The following SPATA16 variants were observed in gnomAD, a reference collection of about 807,000 sequenced individuals.
The protein encoded by SPATA16 is spermatogenesis associated 16.
In SPATA16, 36 loss-of-function variants were observed where a neutral mutation model predicts 63.3. The ratio of observed to expected loss-of-function variants is 0.57; its 90% CI spans 0.44 to 0.75. The LOEUF (loss-of-function observed/expected upper bound fraction) is 0.75, where lower values mean the gene tolerates loss of function less well. Among genes scored for constraint, SPATA16 ranks in the 30% least tolerant of loss-of-function variants. The probability of loss-of-function intolerance (pLI) is 0.00; values close to 1 mark genes in which losing one functional copy is unlikely to be tolerated. For synonymous variants in SPATA16, 203 were observed against 216.7 expected (o/e 0.94, Z 0.56); for missense variants, 646 against 679.3 (o/e 0.95, Z 0.54).
At chr3:173,038,360 A>G (rs532541340) in intron 3 of SPATA16, among the ~76,000 whole-genome samples, 2 of 152,132 alleles carry the variant, frequency 1.3e-5, no homozygotes, top group African/African-American at 4.8e-5. Flanking sequence ...TCAGTTTTAC[A>G]GTATAGCCTG....
At chr3:172,976,872 GCTAC>G in intron 5 of SPATA16, 92 bp downstream of exon 5, 1 of 938,822 alleles carries the variant, frequency 1.1e-6, no homozygotes, top group Non-Finnish European at 1.7e-6. Context: ...TATGCCCAGA[GCTAC>G]CTTTTTCTTC....
At chr3:172,988,794 G>A (rs1055124420) in intron 4 of SPATA16, among the ~76,000 whole-genome samples, 4 of 151,990 alleles carry the variant, frequency 2.6e-5, no homozygotes, top group Admixed American at 2.0e-4. Flanking sequence ...CCACCATCAC[G>A]TCCAGCTAAT....
intron 1 of SPATA16, among the ~76,000 whole-genome samples, chr3:173,133,332 T>C (rs1429881868): frequency 6.6e-6 from 1 of 152,202 alleles, no homozygotes; most frequent in Non-Finnish European, 1.5e-5. Flanking sequence ...AATTTTCTGT[T>C]TCTGCCAGCA....
At chr3:172,992,989 A>G (rs1441136056) in intron 4 of SPATA16, among the ~76,000 whole-genome samples, 1 of 152,152 alleles carries the variant, frequency 6.6e-6, no homozygotes, top group Non-Finnish European at 1.5e-5. Context: ...AAAATACAAC[A>G]AACCCAGAAA....
chr3:172,890,689 C>G (rs1168876519), intron 10 of SPATA16, among the ~76,000 whole-genome samples: 2 of 149,978 alleles, frequency 1.3e-5, no homozygotes, highest in Non-Finnish European at 3.0e-5. Context: ...TAAATGGTAG[C>G]ACTCATCCAT....
At chr3:173,082,996 A>G (rs2108314500) in intron 2 of SPATA16, among the ~76,000 whole-genome samples, 1 of 152,304 alleles carries the variant, frequency 6.6e-6, no homozygotes, top group South Asian at 2.1e-4. Context: ...AAATATTTAT[A>G]AAATAAAAGA....
rs146078455 is a variant in SPATA16 at position 172,889,573 on chromosome 3, C to G, written c.1707G>C (p.Arg569Ser). The G allele has an allele frequency of 6.1e-4, 980 of 1,613,664 alleles. 5 individuals are homozygous for G. The African/African-American group carries it at 0.011, about 18-fold the overall frequency. The change falls in exon 11 of 11, where the codon AGG becomes AGC. Residue 569 changes from arginine to serine, a missense_variant. Transcript: ENST00000351008. ...KMKRLQTVQQ[R>S] is the part of the protein sequence containing the mutation. ...GGTAGTGCCTGCTCCCTAATGACTA[C>G]CTTTGCTGAACAGTTTGAAGTCGCT...
intron 3 of SPATA16, among the ~76,000 whole-genome samples, chr3:173,037,310 C>A (rs997020557): frequency 1.3e-5 from 2 of 152,022 alleles, no homozygotes; most frequent in African/African-American, 4.8e-5. Flanking sequence ...TCCACAAAAA[C>A]CAAGAACTAC....
chr3:172,928,822 T>C (rs1156727744), intron 6 of SPATA16, among the ~76,000 whole-genome samples: 1 of 152,132 alleles, frequency 6.6e-6, no homozygotes, highest in Admixed American at 6.5e-5. Context: ...CCTATATACA[T>C]ATGGTTAAAT....
chr3:172,980,104 C>T (rs375757707), intron 4 of SPATA16, among the ~76,000 whole-genome samples: 1 of 152,138 alleles, frequency 6.6e-6, no homozygotes, highest in Non-Finnish European at 1.5e-5. Flanking sequence ...CCTCATGAAT[C>T]AGTGAAACTT....
At chr3:172,969,339 A>C (rs1733993646) in intron 5 of SPATA16, among the ~76,000 whole-genome samples, 1 of 152,188 alleles carries the variant, frequency 6.6e-6, no homozygotes, top group South Asian at 2.1e-4. Flanking sequence ...TCAGGTAGGC[A>C]GGATCACCTG....
intron 1 of SPATA16, among the ~76,000 whole-genome samples, chr3:173,125,039 C>G (rs1738190979): frequency 6.6e-6 from 1 of 152,168 alleles, no homozygotes; most frequent in African/African-American, 2.4e-5. Flanking sequence ...CTTAAATTAT[C>G]TAATACATCT....
At chr3:173,126,488 GCT>G (rs998173356) in intron 1 of SPATA16, among the ~76,000 whole-genome samples, 1 of 152,138 alleles carries the variant, frequency 6.6e-6, no homozygotes, top group Admixed American at 6.5e-5. Flanking sequence ...TGCAAACACT[GCT>G]CTGTCTTCCT....
chr3:172,947,343 C>T (rs539249099), intron 6 of SPATA16, among the ~76,000 whole-genome samples: 26 of 152,262 alleles, frequency 1.7e-4, no homozygotes, highest in African/African-American at 2.6e-4. Context: ...CTACAAACAT[C>T]GAGAACATCC....
At chr3:172,910,063 T>G (rs116467236) in intron 10 of SPATA16, among the ~76,000 whole-genome samples, 206 of 151,552 alleles carry the variant, frequency 1.4e-3, no homozygotes, top group Non-Finnish European at 2.4e-3. Flanking sequence ...TTGGGAGAGG[T>G]AATGCTCTAC....
At chr3:173,056,959 A>G (rs1560109046) in intron 2 of SPATA16, among the ~76,000 whole-genome samples, 2 of 152,038 alleles carry the variant, frequency 1.3e-5, no homozygotes, top group South Asian at 4.2e-4. Flanking sequence ...CCGTGAGTCC[A>G]CATATGTTCT....
chr3:173,056,236 A>G (rs1736219121), intron 2 of SPATA16, among the ~76,000 whole-genome samples: 1 of 152,224 alleles, frequency 6.6e-6, no homozygotes, highest in Non-Finnish European at 1.5e-5. Context: ...AGTGATATTC[A>G]TAGAAGGAAA....
chr3:173,012,169 T>C (rs1401815215), intron 4 of SPATA16, among the ~76,000 whole-genome samples: 1 of 152,154 alleles, frequency 6.6e-6, no homozygotes, highest in African/African-American at 2.4e-5. Context: ...AAATCAAGAA[T>C]GCAGTCTCAT....
intron 3 of SPATA16, among the ~76,000 whole-genome samples, chr3:173,032,541 A>G (rs1735629346): frequency 6.6e-6 from 1 of 152,118 alleles, no homozygotes; most frequent in Non-Finnish European, 1.5e-5. Flanking sequence ...TGGATCATCT[A>G]TACCAAAAAA....
Sources: gnomAD v4.1 joint callset for allele counts (sites outside exome capture counted in the v4.1 genomes callset) on GRCh38, gnomAD v4.1.1 for gene constraint, MANE v1.5 for transcripts, NCBI Gene and HGNC (gene_info 2026-07-23, HGNC 2026-07-21) for gene names.